The following SORCS1 variants were observed in gnomAD, a reference collection of about 807,000 sequenced individuals.
SORCS1 encodes the protein VPS10 domain-containing receptor SorCS1.
In SORCS1, 60 loss-of-function variants were observed where a neutral mutation model predicts 146.1. That is an observed-to-expected ratio of 0.41 (90% CI 0.33 to 0.51). The LOEUF (loss-of-function observed/expected upper bound fraction) is 0.51. Ranked by LOEUF, SORCS1 falls within the 20% of genes least tolerant of loss-of-function variation. SORCS1 has a pLI of 0.21. For missense variants in SORCS1, 1,352 were observed against 1,487.6 expected (o/e 0.91, Z 1.50); for synonymous variants, 637 against 584.0 (o/e 1.09, Z -1.31).
intron 2 of SORCS1, among the ~76,000 whole-genome samples, chr10:106,934,104 A>AC (rs1953561526): frequency 6.6e-6 from 1 of 151,148 alleles, no homozygotes; most frequent in Admixed American, 6.6e-5. Flanking sequence ...AAAAAACAAA[A>AC]AAAAAAAAAA....
chr10:106,715,637 C>G (rs1487363489), intron 6 of SORCS1, among the ~76,000 whole-genome samples: 1 of 152,218 alleles, frequency 6.6e-6, no homozygotes, highest in African/African-American at 2.4e-5. Context: ...AGACTGTACT[C>G]ACATAATGAT....
intron 5 of SORCS1, among the ~76,000 whole-genome samples, chr10:106,732,598 G>A (rs2136029479): frequency 6.6e-6 from 1 of 152,164 alleles, no homozygotes; most frequent in East Asian, 1.9e-4. Context: ...ATTCCCAGGA[G>A]AAACGCAGTA....
intron 23 of SORCS1, among the ~76,000 whole-genome samples, chr10:106,602,512 A>AACACACACACACAC (rs66699179): frequency 0.027 from 3,792 of 138,718 alleles, 95 homozygotes; most frequent in South Asian, 0.14. Flanking sequence ...ATTCCTTCAT[A>AACACACACACACAC]ACACACACAC....
intron 2 of SORCS1, among the ~76,000 whole-genome samples, chr10:106,895,949 G>GTATATA (rs112254770): frequency 0.035 from 5,309 of 150,852 alleles, 239 homozygotes; most frequent in South Asian, 0.096. Flanking sequence ...ATGTGTGTGT[G>GTATATA]TGTATATATA....
In SORCS1 at chr10:106,687,216, T is replaced by C. The variant is rs866787254; in HGVS notation, c.1560+976A>G. On this transcript the variant is annotated intron_variant, in intron 10 of 25. Transcript: ENST00000263054. ...AGAGGAATAAGACGTGACCCTGCAA[T>C]CTTCCATTTATTAATCTAGACACAT... 5.9e-5 allele frequency among the ~76,000 whole-genome samples: 9 copies of C among 152,318 alleles called. No homozygotes were observed. In the South Asian group the frequency reaches 1.9e-3, roughly 32 times the overall value.
intron 1 of SORCS1, among the ~76,000 whole-genome samples, chr10:106,978,921 G>A (rs756249880): frequency 7.2e-5 from 11 of 152,090 alleles, no homozygotes; most frequent in Non-Finnish European, 1.3e-4. Flanking sequence ...TCAACAAATC[G>A]GCATGGCTAT....
intron 5 of SORCS1, among the ~76,000 whole-genome samples, chr10:106,759,762 C>G (rs1858931872): frequency 6.6e-6 from 1 of 152,162 alleles, no homozygotes; most frequent in Non-Finnish European, 1.5e-5. Flanking sequence ...TCTCTCTCTT[C>G]ACGTATTTCT....
At chr10:106,834,718 C>A (rs1365653868) in intron 2 of SORCS1, among the ~76,000 whole-genome samples, 2 of 152,142 alleles carry the variant, frequency 1.3e-5, no homozygotes, top group African/African-American at 4.8e-5. Flanking sequence ...AAATGTGTAT[C>A]TTAAATAGTC....
intron 1 of SORCS1, among the ~76,000 whole-genome samples, chr10:107,029,818 C>G (rs1382439459): frequency 4.6e-5 from 7 of 152,170 alleles, no homozygotes; most frequent in African/African-American, 1.7e-4. Flanking sequence ...AGGTTGGCAG[C>G]CAGGCCCTTT....
chr10:107,054,770 GTTAAATTCAGCCCCAACATTTA>G (rs1409916067), intron 1 of SORCS1, among the ~76,000 whole-genome samples: 21 of 152,288 alleles, frequency 1.4e-4, no homozygotes, highest in African/African-American at 4.6e-4. Context: ...TGTCTAAGTT[GTTAAATTCAGCCCCAACATTTA>G]TTTTGACCTG....
chr10:106,821,411 T>C (rs1948016533), intron 3 of SORCS1, among the ~76,000 whole-genome samples: 1 of 152,212 alleles, frequency 6.6e-6, no homozygotes, highest in South Asian at 2.1e-4. Context: ...CCTGTATCTT[T>C]TAAAAATACA....
chr10:106,795,280 TG>T (rs772344190), intron 3 of SORCS1, among the ~76,000 whole-genome samples: 6 of 152,068 alleles, frequency 3.9e-5, no homozygotes, highest in Non-Finnish European at 7.3e-5. Context: ...ATAATCTAGT[TG>T]TTTTTTTTTG....
chr10:106,815,884 A>C (rs894787097), intron 3 of SORCS1, among the ~76,000 whole-genome samples: 1 of 152,240 alleles, frequency 6.6e-6, no homozygotes, highest in Non-Finnish European at 1.5e-5. Flanking sequence ...CTACTTCTAC[A>C]AGAAGAGGCC....
intron 10 of SORCS1, among the ~76,000 whole-genome samples, chr10:106,682,795 G>A (rs1188057460): frequency 6.6e-6 from 1 of 152,176 alleles, no homozygotes; most frequent in Non-Finnish European, 1.5e-5. Flanking sequence ...TAGAGTCAAA[G>A]CACAGCCTGT....
chr10:107,150,801 C>A (rs1348792819), intron 1 of SORCS1, among the ~76,000 whole-genome samples: 1 of 152,220 alleles, frequency 6.6e-6, no homozygotes, highest in Admixed American at 6.5e-5. Flanking sequence ...TCACTCTACA[C>A]TTCTCTCCCC....
At chr10:106,870,034 C>T (rs1950349786) in intron 2 of SORCS1, among the ~76,000 whole-genome samples, 1 of 152,080 alleles carries the variant, frequency 6.6e-6, no homozygotes, top group Non-Finnish European at 1.5e-5. Context: ...CACTAGCATT[C>T]CTATACACTA....
chr10:107,140,744 T>C (rs1967749948), intron 1 of SORCS1, among the ~76,000 whole-genome samples: 1 of 152,222 alleles, frequency 6.6e-6, no homozygotes, highest in African/African-American at 2.4e-5. Flanking sequence ...TATCCCAACA[T>C]ATAACACACA....
intron 1 of SORCS1, among the ~76,000 whole-genome samples, chr10:107,144,546 C>T (rs1968137243): frequency 6.6e-6 from 1 of 152,344 alleles, no homozygotes. Flanking sequence ...ATATACAAGG[C>T]ATATCCCTGT....
intron 3 of SORCS1, among the ~76,000 whole-genome samples, chr10:106,801,586 T>C (rs1427697360): frequency 6.9e-6 from 1 of 145,922 alleles, no homozygotes; most frequent in African/African-American, 2.6e-5. Context: ...TGGAGTGCAG[T>C]GGTGGGATCT....
Sources: gnomAD v4.1 joint callset for allele counts (sites outside exome capture counted in the v4.1 genomes callset) on GRCh38, gnomAD v4.1.1 for gene constraint, MANE v1.5 for transcripts, NCBI Gene and HGNC (gene_info 2026-07-23, HGNC 2026-07-21) for gene names.